The following ZSWIM2 variants were observed in gnomAD, a reference collection of about 807,000 sequenced individuals.
ZSWIM2 encodes zinc finger SWIM-type containing 2.
In ZSWIM2, 38 loss-of-function variants were observed where a neutral mutation model predicts 48.4. The observed-to-expected ratio is 0.79, with a 90% CI of 0.61 to 1.03. The LOEUF (loss-of-function observed/expected upper bound fraction) is 1.03. ZSWIM2 is among the 50% of genes least tolerant of loss of function. The pLI is 0.00. For synonymous variants in ZSWIM2, 240 were observed against 251.3 expected (o/e 0.96, Z 0.42); for missense variants, 776 against 730.2 (o/e 1.06, Z -0.72).
intron 4 of ZSWIM2, among the ~76,000 whole-genome samples, chr2:186,838,691 T>C (rs566940644): frequency 5.4e-4 from 79 of 147,144 alleles, no homozygotes; most frequent in Non-Finnish European, 1.1e-3. Context: ...TCCTAACATA[T>C]ATGTTATATA....
intron 3 of ZSWIM2, among the ~76,000 whole-genome samples, chr2:186,844,078 T>G (rs1226422646): frequency 2.0e-5 from 3 of 151,654 alleles, no homozygotes; most frequent in Non-Finnish European, 3.0e-5. Context: ...CTAGTATTGG[T>G]CAAACAATTC....
At chr2:186,834,082 G>T in intron 5 of ZSWIM2, 52 bp from the exon 6 acceptor site, 1 of 1,433,184 alleles carries the variant, frequency 7.0e-7, no homozygotes, top group South Asian at 1.2e-5. Flanking sequence ...CAATTATTGT[G>T]ATGGTTTTGG....
chr2:186,841,373 A>G lies in ZSWIM2; in HGVS notation c.284-2204T>C, dbSNP rs565354912. The stretch of plus-strand genomic sequence containing the variant: ...TAATATCTTTGTATGCTTAAGTACT[A>G]TAGTTAAAATGTGCCAAAAACATGA... On this transcript the variant is annotated intron_variant, in intron 3 of 8. Coordinates refer to ENST00000295131, the MANE Select transcript of ZSWIM2 (RefSeq NM_182521.3). Among the ~76,000 whole-genome samples, 8 of 151,166 alleles carry G rather than the reference A, an allele frequency of 5.3e-5. No individual in the cohort carries two copies. In the East Asian group the frequency reaches 7.7e-4, roughly 15 times the overall value.
At chr2:186,843,425 A>G (rs966737400) in intron 3 of ZSWIM2, among the ~76,000 whole-genome samples, 9 of 151,714 alleles carry the variant, frequency 5.9e-5, no homozygotes, top group Admixed American at 4.6e-4. Flanking sequence ...CATTGGAAAC[A>G]AGGAGGCTAC....
chr2:186,846,206 T>A (rs563952121), intron 2 of ZSWIM2, among the ~76,000 whole-genome samples: 10 of 152,038 alleles, frequency 6.6e-5, no homozygotes, highest in African/African-American at 2.4e-4. Flanking sequence ...ACCTAAAGAA[T>A]GTTAAGAAAT....
At position 186,828,339 on chromosome 2, in the gene ZSWIM2, G is replaced by C; in HGVS notation, c.1547C>G (p.Pro516Arg). Residue 516 changes from proline (P) to arginine (R), a missense_variant, in exon 9 of 9, where the codon CCT becomes CGT. By Grantham distance (103) the Pro-to-Arg change is moderately radical. Transcript: ENST00000295131. ...ACACACAATATTCTTATGAACAATA[G>C]GAGGAAGCAGTGTTTGAGATGGTAT... ...GKIPSQTLLPPIVHKNIVCPT... is the reference protein window; with the variant it reads ...GKIPSQTLLPRIVHKNIVCPT... 6.2e-7 allele frequency: 1 copy of C among 1,613,716 alleles called. No homozygotes were observed. Among genetic ancestry groups the C allele is most frequent in the South Asian group, 1.1e-5 (1 of 91,072 alleles).
intron 2 of ZSWIM2, among the ~76,000 whole-genome samples, chr2:186,846,573 C>G (rs1411600790): frequency 6.6e-6 from 1 of 151,602 alleles, no homozygotes; most frequent in Admixed American, 6.6e-5. Flanking sequence ...AACAGTACGG[C>G]GATTTCTCAA....
chr2:186,845,558 A>G (rs561963527), intron 2 of ZSWIM2, among the ~76,000 whole-genome samples: 2 of 151,590 alleles, frequency 1.3e-5, no homozygotes, highest in South Asian at 4.1e-4. Context: ...AAATAATTAT[A>G]TAACTTTTTT....
At chr2:186,842,196 C>T (rs1691915989) in intron 3 of ZSWIM2, among the ~76,000 whole-genome samples, 1 of 151,248 alleles carries the variant, frequency 6.6e-6, no homozygotes, top group African/African-American at 2.4e-5. Flanking sequence ...ATTCCCTCCA[C>T]ACTTATTTAA....
chr2:186,848,476 T>C (rs1032339390), intron 1 of ZSWIM2, among the ~76,000 whole-genome samples: 5 of 152,216 alleles, frequency 3.3e-5, no homozygotes, highest in Non-Finnish European at 5.9e-5. Context: ...TTAATATCTT[T>C]CCAAGGTATT....
At position 186,837,382 on chromosome 2, in the gene ZSWIM2, T is replaced by C; in HGVS notation, c.667A>G (p.Lys223Glu). Residue 223 changes from lysine (K) to glutamate (E), a missense_variant, in exon 5 of 9, where the codon AAA becomes GAA. Lys to Glu is a moderately conservative substitution (Grantham distance 56). Coordinates refer to ENST00000295131, the MANE Select transcript of ZSWIM2 (RefSeq NM_182521.3). Reference protein sequence around the residue: ...NSSKLVAAAEKERLDKHLGIP... With the variant: ...NSSKLVAAAEEERLDKHLGIP... ...CCAAGGTGTTTGTCCAGTCTCTCTT[T>C]TTCTGCTGCAGCTACTAGTTTGCTA... The C allele has an allele frequency of 6.2e-7, 1 of 1,613,104 alleles. No homozygotes were observed. Among genetic ancestry groups the C allele is most frequent in the Non-Finnish European group, 8.5e-7 (1 of 1,179,374 alleles).
intron 3 of ZSWIM2, among the ~76,000 whole-genome samples, chr2:186,842,204 T>A (rs2105821490): frequency 6.6e-6 from 1 of 151,470 alleles, no homozygotes; most frequent in South Asian, 2.1e-4. Flanking sequence ...CACACTTATT[T>A]AAACGCTATA....
Position 186,837,522 on chromosome 2 carries a change from C to G in ZSWIM2, c.527G>C (p.Cys176Ser), listed in dbSNP as rs779075564. ...CTGATAATTAGCTAAGATCTTCATG[C>G]ATTTTATATGAATACTATTGCCACA... ...FGCGNSIHIK[C>S]MKILANYQST... Residue 176 changes from cysteine (C) to serine (S), a missense_variant, in exon 5 of 9, where the codon TGC becomes TCC. Physicochemically the swap from Cys to Ser is moderately radical, Grantham distance 112. Coordinates refer to ENST00000295131, the MANE Select transcript of ZSWIM2 (RefSeq NM_182521.3). 1 of 1,610,756 alleles carries G rather than the reference C, an allele frequency of 6.2e-7. No homozygotes were observed. The highest frequency in any genetic ancestry group is 1.7e-5 in the Admixed American group (1 of 59,714).
chr2:186,843,383 T>TA (rs1385496317), intron 3 of ZSWIM2, among the ~76,000 whole-genome samples: 16 of 151,610 alleles, frequency 1.1e-4, no homozygotes, highest in African/African-American at 3.9e-4. Flanking sequence ...TCTGCCTATC[T>TA]AGAAGGTGAA....
intron 5 of ZSWIM2, among the ~76,000 whole-genome samples, chr2:186,834,829 C>T (rs1265284681): frequency 2.6e-5 from 4 of 152,148 alleles, no homozygotes; most frequent in Non-Finnish European, 5.9e-5. Flanking sequence ...TATGATTATA[C>T]AAGACTTATC....
intron 2 of ZSWIM2, among the ~76,000 whole-genome samples, chr2:186,846,176 A>G (rs990318471): frequency 2.6e-5 from 4 of 152,010 alleles, no homozygotes; most frequent in African/African-American, 9.7e-5. Flanking sequence ...AAATGAAACA[A>G]TCAACAGAGT....
At chr2:186,836,563 C>T (rs1343053873) in intron 5 of ZSWIM2, among the ~76,000 whole-genome samples, 1 of 151,808 alleles carries the variant, frequency 6.6e-6, no homozygotes, top group Non-Finnish European at 1.5e-5. Flanking sequence ...AGATTGGGCT[C>T]ATCATAATGT....
At chr2:186,848,109 A>G (rs1692039019) in intron 1 of ZSWIM2, among the ~76,000 whole-genome samples, 3 of 152,206 alleles carry the variant, frequency 2.0e-5, no homozygotes, top group Non-Finnish European at 4.4e-5. Context: ...AGGAAATTCT[A>G]CTTTGGGGTG....
At chr2:186,844,581 G>A in intron 3 of ZSWIM2, 136 bp downstream of exon 3, 1 of 803,072 alleles carries the variant, frequency 1.2e-6, no homozygotes, top group East Asian at 3.1e-5. Context: ...AAGAAGCTGA[G>A]CTACTGATAG....
Sources: allele counts gnomAD v4.1 joint callset (sites outside exome capture counted in the v4.1 genomes callset), GRCh38; gene constraint gnomAD v4.1.1; transcripts MANE v1.5; gene names NCBI Gene and HGNC (gene_info 2026-07-23, HGNC 2026-07-21).